CPT1A: variants seen among roughly 807,000 people sequenced by gnomAD.
CPT1A encodes carnitine O-palmitoyltransferase 1, liver isoform.
Under a neutral mutation model 100.8 loss-of-function variants are expected in CPT1A, and 64 were observed. The ratio of observed to expected loss-of-function variants is 0.63; its 90% CI spans 0.52 to 0.78. The LOEUF (loss-of-function observed/expected upper bound fraction) is 0.78. Ranked by LOEUF, CPT1A falls within the 30% of genes least tolerant of loss-of-function variation. The pLI, the probability that CPT1A is intolerant of heterozygous loss-of-function variation, is 0.00. For synonymous variants in CPT1A, 363 were observed against 396.0 expected, an observed-to-expected ratio of 0.92 and a Z score of 0.99; for missense variants, 802 against 1,034.1, an observed-to-expected ratio of 0.78 and a Z score of 3.08.
At chr11:68,816,541 CT>C (rs2154001450) in intron 1 of CPT1A, among the ~76,000 whole-genome samples, 1 of 152,292 alleles carries the variant, frequency 6.6e-6, no homozygotes, top group Admixed American at 6.5e-5. Context: ...TTCATCCTGG[CT>C]CCGGCCGCCT....
intron 1 of CPT1A, among the ~76,000 whole-genome samples, chr11:68,822,005 A>G (rs1010807435): frequency 6.6e-6 from 1 of 152,122 alleles, no homozygotes; most frequent in Admixed American, 6.6e-5. Context: ...GATGTGGAGA[A>G]ATCAGAATTC....
In CPT1A at chr11:68,796,878, A is replaced by G; in HGVS notation, c.749T>C (p.Val250Ala). 6.2e-7 allele frequency: 1 copy of G among 1,614,106 alleles called. No individual in the cohort carries two copies. Residue 250 changes from valine to alanine, a missense_variant, in exon 7 of 19, where the codon GTG becomes GCG. Val to Ala is a moderately conservative substitution (Grantham distance 64, BLOSUM62 0). This residue lies in a region of CPT1A where 627 missense variants were observed against 799.3 expected (regional missense o/e 0.78). Transcript: ENST00000265641. ...CACCATGGCATAATAGTTGCTGTTCACCATGAGCGGCCCTCGTCCTCGGAG... is the reference window on the plus strand; with the variant it reads ...CACCATGGCATAATAGTTGCTGTTCGCCATGAGCGGCCCTCGTCCTCGGAG... ...IYLRGRGPLM[V>A]NSNYYAMDLL...
chr11:68,828,522 G>A (rs561832972), intron 1 of CPT1A, among the ~76,000 whole-genome samples: 4 of 152,316 alleles, frequency 2.6e-5, no homozygotes, highest in South Asian at 2.1e-4. Context: ...TCCCCTTCCC[G>A]GAAGCCTTCC....
chr11:68,756,373 T>C lies in CPT1A; in HGVS notation c.*1271A>G, dbSNP rs1258039892. 6.6e-6 allele frequency: 1 copy of C among 152,260 alleles called. No individual in the cohort carries two copies. The allele number at this position is 152,260 out of a possible 1,614,324, so 9.4% of individuals were successfully genotyped here. A position where few individuals can be genotyped will look rare whatever the true frequency, so the allele number is the denominator to read the frequency against. On this transcript the variant is annotated 3_prime_UTR_variant, in exon 19 of 19. Transcript: ENST00000265641. The stretch of plus-strand genomic sequence containing the variant: ...GAAGATGACTCAGTGCATAATTGCT[T>C]TGTGGTCCATGAGACGCTTTCGTGA...
At chr11:68,815,942 C>T (rs2154001398) in intron 1 of CPT1A, among the ~76,000 whole-genome samples, 1 of 149,820 alleles carries the variant, frequency 6.7e-6, no homozygotes, top group South Asian at 2.1e-4. Flanking sequence ...CAACCCTGGC[C>T]CTGGACATTC....
At position 68,755,432 on chromosome 11, in the gene CPT1A, CG is replaced by C. The variant is rs1417169187; in HGVS notation, c.*2211del. The C allele has an allele frequency of 6.5e-6, 1 of 154,756 alleles. No individual in the cohort carries two copies. The highest frequency in any genetic ancestry group is 1.5e-5 in the Non-Finnish European group (1 of 68,528). 9.6% of individuals were successfully genotyped at this position (154,756 alleles called of 1,614,324 possible). ...GTTTGTTTTTGCTTTTTTTTTTAGA[CG>C]GAGTCTCGCTCTGTCGCCCAGGCTG... On this transcript the variant is annotated 3_prime_UTR_variant, in exon 19 of 19. Transcript: ENST00000265641.
intron 1 of CPT1A, among the ~76,000 whole-genome samples, chr11:68,836,412 T>C (rs1277990401): frequency 1.3e-5 from 2 of 151,828 alleles, no homozygotes; most frequent in Non-Finnish European, 2.9e-5. Context: ...AAATGGGAGA[T>C]TACGTTGAGC....
At chr11:68,799,539 A>G (rs1855847166) in intron 5 of CPT1A, among the ~76,000 whole-genome samples, 184 bp from the exon 6 acceptor site, 1 of 152,124 alleles carries the variant, frequency 6.6e-6, no homozygotes, top group South Asian at 2.1e-4. Flanking sequence ...GCTTGAGCTC[A>G]GGAGTTCAAG....
At chr11:68,794,681 G>T in intron 8 of CPT1A, 123 bp downstream of exon 8, 1 of 873,324 alleles carries the variant, frequency 1.1e-6, no homozygotes, top group Non-Finnish European at 1.8e-6. Flanking sequence ...AAAGTGCCAA[G>T]ATTACAGGCG....
chr11:68,801,126 G>T (rs1056034155), intron 5 of CPT1A, among the ~76,000 whole-genome samples: 4 of 152,074 alleles, frequency 2.6e-5, no homozygotes, highest in African/African-American at 9.7e-5. Flanking sequence ...AAGGGGGAGG[G>T]GGCAGGTGTC....
In CPT1A at chr11:68,837,297, C is replaced by T. The variant is rs1001638223; in HGVS notation, c.-14+4478G>A. ...TCTCCTGACCTCATGTTCCGCCCAT[C>T]GTGGCCTCCAGAAGTGCTGGGATTA... On this transcript the variant is annotated intron_variant, in intron 1 of 18. Coordinates refer to ENST00000265641, the MANE Select transcript of CPT1A (RefSeq NM_001876.4). Among the ~76,000 whole-genome samples the T allele has an allele frequency of 1.5e-4, 23 of 152,184 alleles. 1 individual carries two copies. The highest frequency in any genetic ancestry group is 7.9e-4 in the Admixed American group (12 of 15,282).
chr11:68,780,778 G>GT (rs765273078), intron 11 of CPT1A, 33 bp from the exon 12 acceptor site: 1 of 1,559,756 alleles, frequency 6.4e-7, no homozygotes, highest in Non-Finnish European at 8.8e-7. Context: ...GAACTTAAGT[G>GT]TTTAAAGAGG....
chr11:68,796,413 G>A (rs1855756290), intron 7 of CPT1A, among the ~76,000 whole-genome samples: 1 of 152,142 alleles, frequency 6.6e-6, no homozygotes, highest in Non-Finnish European at 1.5e-5. Context: ...AAAATTAGCT[G>A]GGCGTGGTGG....
In CPT1A at chr11:68,799,362, T is replaced by A. The variant is rs1057523637; in HGVS notation, c.556-7A>T. 1.2e-6 allele frequency: 2 copies of A among 1,613,318 alleles called. No individual in the cohort carries two copies. Among genetic ancestry groups the A allele is most frequent in the Admixed American group, 1.7e-5 (1 of 59,960 alleles). ...GCCTCACCGACTGTAGATACTGGGA[T>A]TATTGGGGGAAAAAAAAATCACCCA... On this transcript the variant is annotated splice_polypyrimidine_tract_variant and splice_region_variant and intron_variant, in intron 5 of 18. Transcript: ENST00000265641.
intron 14 of CPT1A, among the ~76,000 whole-genome samples, chr11:68,764,021 T>G (rs747925976): frequency 1.3e-5 from 2 of 152,054 alleles, no homozygotes; most frequent in Non-Finnish European, 2.9e-5. Context: ...TCAAGGAACG[T>G]GGGCATCTGG....
At chr11:68,832,367 T>C (rs1856900938) in intron 1 of CPT1A, among the ~76,000 whole-genome samples, 1 of 152,198 alleles carries the variant, frequency 6.6e-6, no homozygotes, top group South Asian at 2.1e-4. Flanking sequence ...GGAGAATTTC[T>C]TGAACCTGGC....
chr11:68,781,722 T>C, intron 11 of CPT1A, 49 bp downstream of exon 11: 1 of 1,563,172 alleles, frequency 6.4e-7, no homozygotes, highest in Non-Finnish European at 8.8e-7. Flanking sequence ...AGGGTATTTC[T>C]TCCAAGCTCA....
At chr11:68,772,090 G>A (rs1209450004) in intron 14 of CPT1A, among the ~76,000 whole-genome samples, 3 of 152,210 alleles carry the variant, frequency 2.0e-5, no homozygotes, top group South Asian at 2.1e-4. Context: ...GGTGGCTCAC[G>A]CCTATAATCC....
upstream of CPT1A, among the ~76,000 whole-genome samples, chr11:68,842,869 C>T (rs1049533533): frequency 1.4e-4 from 22 of 152,162 alleles, no homozygotes; most frequent in Admixed American, 6.5e-4. Context: ...CCGGGAGCCA[C>T]CCCTCCCCTA....
Sources: gnomAD v4.1 joint callset for allele counts (sites outside exome capture counted in the v4.1 genomes callset) on GRCh38, gnomAD v4.1.1 for gene constraint, gnomAD v4.1.1 regional missense constraint, MANE v1.5 for transcripts, NCBI Gene and HGNC (gene_info 2026-07-23, HGNC 2026-07-21) for gene names.